The following ATRX variants were observed in gnomAD, a reference collection of about 807,000 sequenced individuals.
ATRX encodes the protein chromatin remodeler ATRX.
ATRX carries 12 observed loss-of-function variants against 172.6 expected under a neutral mutation model. That is an observed-to-expected ratio of 0.07 (90% confidence interval 0.04 to 0.11). The LOEUF is 0.11. Ranked by LOEUF, ATRX falls within the 10% of genes least tolerant of loss-of-function variation. The probability of loss-of-function intolerance (pLI) is 1.00; values close to 1 mark genes in which losing one functional copy is unlikely to be tolerated. For synonymous variants in ATRX, 674 were observed against 594.7 expected, an observed-to-expected ratio of 1.13 and a Z score of -1.94; for missense variants, 1,368 against 1,767.4, an observed-to-expected ratio of 0.77 and a Z score of 4.05.
chrX:77,688,430 C>T (rs1327788303), intron 7 of ATRX, among the ~76,000 whole-genome samples: 1 of 111,905 alleles, frequency 8.9e-6, no homozygotes, highest in African/African-American at 3.2e-5. Flanking sequence ...TTATAAAACA[C>T]AAACATTACA....
intron 10 of ATRX, among the ~76,000 whole-genome samples, chrX:77,665,413 G>A (rs180927478): frequency 1.2e-4 from 13 of 111,386 alleles, no homozygotes; most frequent in Admixed American, 1.9e-4. Context: ...GGACATGAGT[G>A]CTATTAATTA....
intron 28 of ATRX, among the ~76,000 whole-genome samples, chrX:77,566,644 T>C (rs2065208473): frequency 9.0e-6 from 1 of 111,100 alleles, no homozygotes; most frequent in South Asian, 3.8e-4. Flanking sequence ...TCCCAGCTAC[T>C]TGGGACGCTG....
intron 30 of ATRX, among the ~76,000 whole-genome samples, chrX:77,552,421 T>C (rs781899140): frequency 1.2e-5 from 1 of 84,821 alleles, no homozygotes; most frequent in African/African-American, 4.7e-5. Flanking sequence ...ATGAGAACAC[T>C]TGGACACAGG....
Position 77,684,547 on chromosome X carries a change from T to G in ATRX, c.709A>C (p.Asn237His), listed in dbSNP as rs781810798. The G allele has an allele frequency of 8.3e-7, 1 of 1,209,827 alleles. No homozygotes were observed. The highest frequency in any genetic ancestry group is 3.0e-5 in the East Asian group (1 of 33,787). The change falls in exon 9 of 35, where the codon AAT (asparagine) becomes CAT (histidine). Residue 237 changes from asparagine (N) to histidine (H), a missense_variant. Physicochemically the swap from Asn to His is moderately conservative, Grantham distance 68 (BLOSUM62 1). Around this residue, in one of 17 missense-constraint regions of ATRX, gnomAD observed 9 missense variants for 69.7 expected, o/e 0.13. Transcript: ENST00000373344. ...AGAATGCATTTCTTGCAGAAAGCATTATGGCAAAAGTCACAACAAATCAAG... is the reference window on the plus strand; with the variant it reads ...AGAATGCATTTCTTGCAGAAAGCATGATGGCAAAAGTCACAACAAATCAAG... ...GNLICCDFCH[N>H]AFCKKCILRN...
At chrX:77,654,276 C>T in intron 13 of ATRX, 76 bp from the exon 14 acceptor site, 3 of 837,743 alleles carry the variant, frequency 3.6e-6, no homozygotes, top group Non-Finnish European at 5.3e-6. Context: ...TATTTTAAAA[C>T]TGTTCTACCT....
chrX:77,737,383 A>G (rs1378986070), intron 1 of ATRX, among the ~76,000 whole-genome samples: 6 of 82,478 alleles, frequency 7.3e-5, no homozygotes, highest in African/African-American at 3.0e-4. Flanking sequence ...AGATCGCACC[A>G]TTGCACTCCA....
At chrX:77,522,880 T>C (rs1245918254) in intron 31 of ATRX, among the ~76,000 whole-genome samples, 1 of 111,862 alleles carries the variant, frequency 8.9e-6, no homozygotes, top group East Asian at 2.8e-4. Context: ...TTTCATGGTA[T>C]ACATGCAAAG....
chrX:77,702,402 C>T (rs2072580473), intron 2 of ATRX, among the ~76,000 whole-genome samples: 2 of 111,776 alleles, frequency 1.8e-5, no homozygotes, highest in Non-Finnish European at 3.8e-5. Flanking sequence ...AAGATCGCAC[C>T]ACTGCACCCC....
intron 20 of ATRX, among the ~76,000 whole-genome samples, chrX:77,619,464 T>C (rs1402902399): frequency 2.7e-5 from 3 of 110,586 alleles, no homozygotes; most frequent in Non-Finnish European, 5.7e-5. Flanking sequence ...TAATAACAAC[T>C]GTTATTCAGT....
At chrX:77,510,218 T>C (rs1401471913) in intron 34 of ATRX, among the ~76,000 whole-genome samples, 1 of 111,247 alleles carries the variant, frequency 9.0e-6, no homozygotes, top group African/African-American at 3.3e-5. Context: ...TTGAAGGAAA[T>C]GACTCAATCC....
intron 30 of ATRX, among the ~76,000 whole-genome samples, chrX:77,529,324 C>T (rs2147793553): frequency 9.0e-6 from 1 of 110,943 alleles, no homozygotes; most frequent in Admixed American, 9.6e-5. Flanking sequence ...AGATATTCCA[C>T]GAGAAGATCA....
At chrX:77,585,258 T>A (rs782426393) in intron 27 of ATRX, among the ~76,000 whole-genome samples, 1 of 109,184 alleles carries the variant, frequency 9.2e-6, no homozygotes, top group African/African-American at 3.3e-5. Flanking sequence ...CTCAAAAAAT[T>A]AAAAATAGAG....
At chrX:77,692,484 A>G (rs1307984764) in intron 6 of ATRX, among the ~76,000 whole-genome samples, 1 of 112,119 alleles carries the variant, frequency 8.9e-6, no homozygotes, top group Non-Finnish European at 1.9e-5. Flanking sequence ...AATATATAAA[A>G]TATGTTATAA....
intron 30 of ATRX, among the ~76,000 whole-genome samples, chrX:77,540,083 A>G (rs1474333335): frequency 2.7e-5 from 3 of 111,651 alleles, no homozygotes; most frequent in Admixed American, 9.5e-5. Context: ...CTCACTTGCA[A>G]AGACACTCAT....
intron 27 of ATRX, among the ~76,000 whole-genome samples, chrX:77,582,577 TAAAC>T (rs2065865048): frequency 9.2e-6 from 1 of 109,227 alleles, no homozygotes; most frequent in South Asian, 3.9e-4. Flanking sequence ...TTGAAGAAAA[TAAAC>T]AAAACTGACA....
At chrX:77,685,857 C>A (rs1451181571) in intron 7 of ATRX, among the ~76,000 whole-genome samples, 1 of 111,499 alleles carries the variant, frequency 9.0e-6, no homozygotes, top group Non-Finnish European at 1.9e-5. Flanking sequence ...TACTATTCAG[C>A]CATAAAAAAG....
At chrX:77,511,889 TA>T (rs1557036737) in intron 34 of ATRX, among the ~76,000 whole-genome samples, 1 of 111,347 alleles carries the variant, frequency 9.0e-6, no homozygotes, top group African/African-American at 3.3e-5. Flanking sequence ...GAGAGACAGA[TA>T]GGGGTATAAA....
chrX:77,762,940 C>T (rs1382025702), intron 1 of ATRX, among the ~76,000 whole-genome samples: 1 of 110,689 alleles, frequency 9.0e-6, no homozygotes, highest in African/African-American at 3.3e-5. Context: ...GCAAATAGTT[C>T]ATTTTAGGTA....
chrX:77,600,148 T>G (rs782372654), intron 23 of ATRX, among the ~76,000 whole-genome samples: 1 of 112,208 alleles, frequency 8.9e-6, no homozygotes, highest in East Asian at 2.8e-4. Flanking sequence ...ATGCTGATAT[T>G]AGAAGAAACT....
Sources: allele counts gnomAD v4.1 joint callset (sites outside exome capture counted in the v4.1 genomes callset), GRCh38; gene constraint gnomAD v4.1.1; regional missense constraint gnomAD v4.1.1; transcripts MANE v1.5; gene names NCBI Gene and HGNC (gene_info 2026-07-23, HGNC 2026-07-21).